Variants in LUZP2 observed in about 807,000 individuals in gnomAD.
The protein encoded by LUZP2 is leucine zipper protein 2.
LUZP2 carries 52 observed loss-of-function variants against 51.6 expected under a neutral mutation model. That is an observed-to-expected ratio of 1.01 (90% confidence interval 0.81 to 1.27). LUZP2 has a LOEUF of 1.27. Ranked by LOEUF, LUZP2 falls within the 50% of genes most tolerant of loss-of-function variation. LUZP2 has a pLI of 0.00. For missense variants in LUZP2, 436 were observed against 395.4 expected (o/e 1.10, Z -0.87); for synonymous variants, 154 against 137.3 (o/e 1.12, Z -0.85).
At chr11:24,834,565 G>A (rs1338905980) in intron 5 of LUZP2, among the ~76,000 whole-genome samples, 1 of 152,190 alleles carries the variant, frequency 6.6e-6, no homozygotes, top group Non-Finnish European at 1.5e-5. Flanking sequence ...ACATGTGCAT[G>A]TGTCTTTATA....
intron 11 of LUZP2, 42 bp from the exon 12 acceptor site, chr11:25,078,512 T>C (rs766439809): frequency 2.7e-6 from 4 of 1,492,956 alleles, no homozygotes; most frequent in Non-Finnish European, 3.7e-6. Flanking sequence ...TAAAATGTGT[T>C]ATTTTGATTC....
chr11:24,948,135 T>C (rs952415315), intron 7 of LUZP2, among the ~76,000 whole-genome samples: 3 of 151,824 alleles, frequency 2.0e-5, no homozygotes, highest in African/African-American at 7.2e-5. Flanking sequence ...TCCTCAATTG[T>C]ATTATCTCTA....
At chr11:24,791,117 A>T (rs1849394910) in intron 5 of LUZP2, among the ~76,000 whole-genome samples, 1 of 152,192 alleles carries the variant, frequency 6.6e-6, no homozygotes, top group Non-Finnish European at 1.5e-5. Context: ...GAAGTTATTG[A>T]GACAAAACAC....
At chr11:24,813,413 G>A (rs181499051) in intron 5 of LUZP2, among the ~76,000 whole-genome samples, 12 of 152,228 alleles carry the variant, frequency 7.9e-5, no homozygotes, top group African/African-American at 2.2e-4. Context: ...CTACTTCTGC[G>A]GAGGCCTCAA....
rs114914235 is a variant in LUZP2, at chr11:24,759,773, C to T, written c.334-3473C>T. Among the ~76,000 whole-genome samples the T allele has an allele frequency of 6.4e-3, 967 of 152,196 alleles. 12 individuals carry two copies. Among genetic ancestry groups the T allele is most frequent in the African/African-American group, 0.022 (906 of 41,526 alleles). On this transcript the variant is annotated intron_variant, in intron 4 of 11. Transcript: ENST00000336930. ...GTTTTTTGGGGGATGCACTGTTACT[C>T]TGCATACGTGTTTAATTTTGAATGG...
chr11:24,745,837 C>T (rs1007066910), intron 4 of LUZP2, among the ~76,000 whole-genome samples: 1 of 151,968 alleles, frequency 6.6e-6, no homozygotes, highest in Non-Finnish European at 1.5e-5. Flanking sequence ...GTCACCACAC[C>T]CGGCTAATTT....
At chr11:24,800,960 T>C (rs759312208) in intron 5 of LUZP2, among the ~76,000 whole-genome samples, 13 of 152,146 alleles carry the variant, frequency 8.5e-5, no homozygotes, top group Non-Finnish European at 1.6e-4. Context: ...CTATTGTAAT[T>C]TGTAGCAAAA....
chr11:24,934,821 C>T (rs1447237807), intron 7 of LUZP2, among the ~76,000 whole-genome samples: 1 of 152,114 alleles, frequency 6.6e-6, no homozygotes, highest in Non-Finnish European at 1.5e-5. Context: ...TTTGAAGTAG[C>T]TCCTAAAAGT....
intron 1 of LUZP2, among the ~76,000 whole-genome samples, chr11:24,552,013 C>T (rs1033469537): frequency 1.3e-5 from 2 of 151,770 alleles, no homozygotes; most frequent in Non-Finnish European, 2.9e-5. Flanking sequence ...TAATACTGTA[C>T]AAAAGTAATT....
chr11:24,715,581 T>A (rs1372130519), intron 1 of LUZP2, among the ~76,000 whole-genome samples: 2 of 152,196 alleles, frequency 1.3e-5, no homozygotes, highest in African/African-American at 4.8e-5. Flanking sequence ...GTGCTTAGAC[T>A]TCTTTCCCCT....
At chr11:25,008,760 C>A (rs958945370) in intron 9 of LUZP2, among the ~76,000 whole-genome samples, 3 of 152,068 alleles carry the variant, frequency 2.0e-5, no homozygotes, top group African/African-American at 7.2e-5. Flanking sequence ...AGGGGAAGCC[C>A]TCTTATGAGA....
rs201883463 is a variant in LUZP2 at position 24,502,301 on chromosome 11, ATGAT to A, written c.62+4999_62+5002del. ...CATAGTCATCATCCAAAAGAAAAGA[ATGAT>A]TGGTAGAGAAGAGAGGAAGTCAGAG... is the stretch of plus-strand genomic sequence containing the variant. On this transcript the variant is annotated intron_variant, in intron 1 of 11. Transcript: ENST00000336930. Among the ~76,000 whole-genome samples, 54 of 151,412 alleles carry A rather than the reference ATGAT, an allele frequency of 3.6e-4. No individual in the cohort carries two copies. In the East Asian group the frequency reaches 9.8e-3, roughly 28 times the overall value.
intron 1 of LUZP2, among the ~76,000 whole-genome samples, chr11:24,602,140 A>ATGTATATATG: frequency 1.3e-5 from 1 of 78,614 alleles, no homozygotes; most frequent in African/African-American, 6.3e-5. Context: ...ATGTGTATAT[A>ATGTATATATG]TGTATATATG....
chr11:24,514,629 G>A (rs1440260797), intron 1 of LUZP2, among the ~76,000 whole-genome samples: 1 of 151,946 alleles, frequency 6.6e-6, no homozygotes, highest in Non-Finnish European at 1.5e-5. Flanking sequence ...CTTTGTTTAT[G>A]TAAATAAACT....
chr11:24,675,096 C>T (rs188366577), intron 1 of LUZP2, among the ~76,000 whole-genome samples: 16 of 152,262 alleles, frequency 1.1e-4, no homozygotes, highest in African/African-American at 3.9e-4. Context: ...CCTATCTTTA[C>T]AGTAGATGTG....
chr11:24,948,215 AT>A lies in LUZP2; in HGVS notation c.523-28368del, dbSNP rs904379182. Among the ~76,000 whole-genome samples, 360 of 150,250 alleles carry A rather than the reference AT, an allele frequency of 2.4e-3. 1 individual carries two copies. The highest frequency in any genetic ancestry group is 8.0e-3 in the African/African-American group (328 of 40,962). Reference sequence around the variant, plus strand: ...AATATAGCGTTGAGCATCATGAGTGATTTTTTTTCATTTGTTTATTGTACTT... The same window carrying A: ...AATATAGCGTTGAGCATCATGAGTGATTTTTTTCATTTGTTTATTGTACTT... On this transcript the variant is annotated intron_variant, in intron 7 of 11. Transcript: ENST00000336930.
At chr11:24,618,089 A>G (rs1479406238) in intron 1 of LUZP2, among the ~76,000 whole-genome samples, 1 of 152,054 alleles carries the variant, frequency 6.6e-6, no homozygotes, top group Non-Finnish European at 1.5e-5. Flanking sequence ...ATTGCTGGGC[A>G]TGTGTGAGGG....
At chr11:24,769,502 A>C (rs113059986) in intron 5 of LUZP2, among the ~76,000 whole-genome samples, 1 of 152,162 alleles carries the variant, frequency 6.6e-6, no homozygotes, top group Non-Finnish European at 1.5e-5. Context: ...GCAGCTGATA[A>C]ATATGTACAA....
At chr11:24,872,634 AT>A (rs954370978) in intron 5 of LUZP2, among the ~76,000 whole-genome samples, 16 of 152,186 alleles carry the variant, frequency 1.1e-4, no homozygotes, top group South Asian at 4.1e-4. Context: ...GCACTTATGG[AT>A]TTTTTTTAAT....
Sources: gnomAD v4.1 joint callset for allele counts (sites outside exome capture counted in the v4.1 genomes callset) on GRCh38, gnomAD v4.1.1 for gene constraint, MANE v1.5 for transcripts, NCBI Gene and HGNC (gene_info 2026-07-23, HGNC 2026-07-21) for gene names.